ARHGAP35: variants seen among roughly 807,000 people sequenced by gnomAD.
ARHGAP35 encodes the protein rho GTPase-activating protein 35.
Under a neutral mutation model 111.1 loss-of-function variants are expected in ARHGAP35, and 15 were observed. The observed-to-expected ratio is 0.13, with a 90% CI of 0.09 to 0.21. The LOEUF (loss-of-function observed/expected upper bound fraction) is 0.21. ARHGAP35 is among the 10% of genes least tolerant of loss of function. The probability of loss-of-function intolerance (pLI) is 1.00; values close to 1 mark genes in which losing one functional copy is unlikely to be tolerated. For missense variants in ARHGAP35, 1,262 were observed against 1,873.0 expected (o/e 0.67, Z 6.02); for synonymous variants, 643 against 710.3 (o/e 0.91, Z 1.51).
chr19:46,987,245 C>G lies in ARHGAP35; in HGVS notation c.3827-744C>G, dbSNP rs1393121654. 7.4e-5 allele frequency among the ~76,000 whole-genome samples: 8 copies of G among 108,740 alleles called. No homozygotes were observed. The South Asian group carries it at 1.2e-3, about 16-fold the overall frequency. 71.3% of individuals were successfully genotyped at this position (108,740 alleles called of 152,430 possible). A position where few individuals can be genotyped will look rare whatever the true frequency, so the allele number is the denominator to read the frequency against. On this transcript the variant is annotated intron_variant, in intron 3 of 6. Coordinates refer to ENST00000672722, the MANE Select transcript of ARHGAP35 (RefSeq NM_004491.5). The stretch of plus-strand genomic sequence containing the variant: ...TTTTTTTTTTTTTTTTTGAGAGAGT[C>G]TCACCTGTCACCCAGGCTGGAGTGC...
chr19:46,863,573 T>TC (rs1277481094), intron 1 of ARHGAP35, among the ~76,000 whole-genome samples: 1 of 152,100 alleles, frequency 6.6e-6, no homozygotes, highest in East Asian at 1.9e-4. Flanking sequence ...CCTCCTTCCT[T>TC]CTCTGAGCCA....
chr19:46,932,718 G>A (rs570306261), intron 2 of ARHGAP35, among the ~76,000 whole-genome samples: 24 of 152,174 alleles, frequency 1.6e-4, no homozygotes, highest in Non-Finnish European at 2.8e-4. Context: ...ATCTCAAGGA[G>A]GTATTCTGAA....
intron 1 of ARHGAP35, among the ~76,000 whole-genome samples, chr19:46,896,747 G>A (rs917357274): frequency 6.6e-6 from 1 of 152,094 alleles, no homozygotes; most frequent in Admixed American, 6.6e-5. Flanking sequence ...TGTAAAATGG[G>A]GATTATAATA....
chr19:46,879,952 G>A (rs1352832294), intron 1 of ARHGAP35, among the ~76,000 whole-genome samples: 1 of 151,812 alleles, frequency 6.6e-6, no homozygotes, highest in Non-Finnish European at 1.5e-5. Flanking sequence ...CAGGCATGGT[G>A]GTATATGCCT....
At position 46,919,578 on chromosome 19, in the gene ARHGAP35, C is replaced by G; in HGVS notation, c.903C>G (p.Ala301=). ...NWLSVSRKMQ[A]SPEYQDYVYL... is the part of the protein sequence containing the mutation. ...TGAGTGTCAGCCGAAAGATGCAGGC[C>G]TCTCCAGAATACCAGGACTATGTCT... The change falls in exon 2 of 7, where the codon GCC becomes GCG. Residue 301 remains alanine, a synonymous_variant. Transcript: ENST00000672722. The surrounding 1 kb of genome is among the most constrained non-coding windows in gnomAD (Gnocchi z 6.2). The G allele has an allele frequency of 6.2e-7, 1 of 1,613,918 alleles. No individual in the cohort carries two copies. Among genetic ancestry groups the G allele is most frequent in the South Asian group, 1.1e-5 (1 of 91,074 alleles).
At chr19:46,990,927 T>C (rs1568489291) in intron 5 of ARHGAP35, among the ~76,000 whole-genome samples, 1 of 152,208 alleles carries the variant, frequency 6.6e-6, no homozygotes, top group Non-Finnish European at 1.5e-5. Flanking sequence ...CACCTTATTC[T>C]GTCCACACTC....
At chr19:46,924,632 C>T (rs1367842458) in intron 2 of ARHGAP35, among the ~76,000 whole-genome samples, 4 of 152,166 alleles carry the variant, frequency 2.6e-5, no homozygotes, top group Non-Finnish European at 4.4e-5. Flanking sequence ...AGCCAGAAAA[C>T]GGCCTGACTT....
chr19:46,987,905 G>A, intron 3 of ARHGAP35, 84 bp from the exon 4 acceptor site: 3 of 1,378,596 alleles, frequency 2.2e-6, no homozygotes, highest in Non-Finnish European at 3.0e-6. Context: ...ACTTTCCCTG[G>A]CTTTCTCCTT....
intron 3 of ARHGAP35, among the ~76,000 whole-genome samples, chr19:46,959,156 C>G (rs1231020430): frequency 6.6e-6 from 1 of 152,162 alleles, no homozygotes; most frequent in Non-Finnish European, 1.5e-5. Context: ...TCACAGCTCA[C>G]TGCAACCTTG....
chr19:46,959,125 C>G lies in ARHGAP35; in HGVS notation c.3826+21717C>G, dbSNP rs145392173. Among the ~76,000 whole-genome samples the G allele has an allele frequency of 3.3e-4, 50 of 152,278 alleles. No individual in the cohort carries two copies. The East Asian group carries it at 8.5e-3, about 26-fold the overall frequency. ...ACAAGGTTTTACTTCACTGCCCAGACTAGAGTGCAGTGGCACAATCTCACA... is the reference window on the plus strand; with the variant it reads ...ACAAGGTTTTACTTCACTGCCCAGAGTAGAGTGCAGTGGCACAATCTCACA... On this transcript the variant is annotated intron_variant, in intron 3 of 6. Transcript: ENST00000672722.
intron 3 of ARHGAP35, among the ~76,000 whole-genome samples, chr19:46,958,380 G>A (rs1007561620): frequency 3.2e-4 from 46 of 144,740 alleles, no homozygotes; most frequent in African/African-American, 1.2e-3. Flanking sequence ...GCAAGACTCC[G>A]TCTCAAAAAA....
At position 46,989,486 on chromosome 19, in the gene ARHGAP35, C is replaced by T; in HGVS notation, c.3905-58C>T. 1.2e-6 allele frequency: 2 copies of T among 1,607,152 alleles called. No individual in the cohort carries two copies. The highest frequency in any genetic ancestry group is 4.5e-5 in the East Asian group (2 of 44,658). ...TAGCCTCTCCTGAGCCCCGAGTTGT[C>T]CTGATGCTTCTGCCTGGCTTAGAAT... On this transcript the variant is annotated intron_variant, in intron 4 of 6. Transcript: ENST00000672722. The surrounding 1 kb of genome is among the most constrained non-coding windows in gnomAD (Gnocchi z 5.3).
At chr19:46,916,330 G>T (rs2122188492) in intron 1 of ARHGAP35, among the ~76,000 whole-genome samples, 1 of 147,218 alleles carries the variant, frequency 6.8e-6, no homozygotes, top group East Asian at 2.1e-4. Flanking sequence ...GTTCCAGTTG[G>T]TTCTCCCAAC....
intron 2 of ARHGAP35, among the ~76,000 whole-genome samples, chr19:46,923,135 C>T (rs2056214031): frequency 7.2e-6 from 1 of 138,812 alleles, no homozygotes. Flanking sequence ...GACGGAGTCT[C>T]GCTCAGTCAC....
rs188732805 is a variant in ARHGAP35 at position 46,924,038 on chromosome 19, C to G, written c.3681+1682C>G. Reference sequence around the variant, plus strand: ...AGAACTGTGTTATATAATAATCCTTCACCAGCAGATTATGATATATAGAAG... The same window carrying G: ...AGAACTGTGTTATATAATAATCCTTGACCAGCAGATTATGATATATAGAAG... On this transcript the variant is annotated intron_variant, in intron 2 of 6. Transcript: ENST00000672722. 1.7e-3 allele frequency among the ~76,000 whole-genome samples: 265 copies of G among 152,148 alleles called. 1 individual carries two copies. Among genetic ancestry groups the G allele is most frequent in the Middle Eastern group, 0.017 (5 of 294 alleles).
In ARHGAP35 at chr19:46,921,370, G is replaced by A; in HGVS notation, c.2695G>A (p.Asp899Asn). The change falls in exon 2 of 7, where the codon GAC becomes AAC. Residue 899 changes from aspartate (D) to asparagine (N), a missense_variant. Physicochemically the swap from Asp to Asn is conservative, Grantham distance 23. Around this residue, in one of 8 missense-constraint regions of ARHGAP35, gnomAD observed 579 missense variants for 716.9 expected, o/e 0.81. Transcript: ENST00000672722. This position sits in a 1 kb window ranked among gnomAD's most constrained non-coding sequence, Gnocchi z 4.3. ...TGGCGCTGTAGATGTCCTGGACAAT[G>A]ACTTAAGTAGGGAACAGCTAACTGA... Reference protein sequence around the residue: ...TDGAVDVLDNDLSREQLTEGE... With the variant: ...TDGAVDVLDNNLSREQLTEGE... 1 of 1,613,948 alleles carries A rather than the reference G, an allele frequency of 6.2e-7. No individual in the cohort carries two copies. The highest frequency in any genetic ancestry group is 1.1e-5 in the South Asian group (1 of 91,082).
At chr19:46,869,096 C>T (rs1162566214) in intron 1 of ARHGAP35, among the ~76,000 whole-genome samples, 2 of 151,428 alleles carry the variant, frequency 1.3e-5, no homozygotes, top group Admixed American at 6.6e-5. Context: ...TTAGCAGAGT[C>T]GGGTTTCACC....
chr19:46,960,891 G>A (rs1375486572), intron 3 of ARHGAP35, among the ~76,000 whole-genome samples: 1 of 148,658 alleles, frequency 6.7e-6, no homozygotes, highest in Non-Finnish European at 1.5e-5. Context: ...GTATTTCTTT[G>A]GCTTTTTTTT....
In ARHGAP35 at chr19:46,920,540, A is replaced by G; in HGVS notation, c.1865A>G (p.Asn622Ser). The G allele has an allele frequency of 6.2e-7, 1 of 1,614,018 alleles. No homozygotes were observed. Among genetic ancestry groups the G allele is most frequent in the Non-Finnish European group, 8.5e-7 (1 of 1,179,870 alleles). The change falls in exon 2 of 7, where the codon AAT (asparagine) becomes AGT (serine). Residue 622 changes from asparagine (N) to serine (S), a missense_variant. Coordinates refer to ENST00000672722, the MANE Select transcript of ARHGAP35 (RefSeq NM_004491.5). The surrounding 1 kb of genome is among the most constrained non-coding windows in gnomAD (Gnocchi z 7.0). ...LANEIRALCT[N>S]DDKYVIDGKM... ...AATGAGATTCGAGCTCTTTGTACAA[A>G]TGATGACAAGTATGTGATAGATGGT...
Sources: allele counts gnomAD v4.1 joint callset (sites outside exome capture counted in the v4.1 genomes callset), GRCh38; gene constraint gnomAD v4.1.1; regional missense constraint gnomAD v4.1.1; non-coding constraint Gnocchi (gnomAD v3.1); transcripts MANE v1.5; gene names NCBI Gene and HGNC (gene_info 2026-07-23, HGNC 2026-07-21).